Variants in RAP1GDS1 observed in about 807,000 individuals in gnomAD.
The protein encoded by RAP1GDS1 is RAP1, GTP-GDP dissociation stimulator 1.
A neutral mutation model predicts 71.1 loss-of-function variants in RAP1GDS1; 35 were observed. That is an observed-to-expected ratio of 0.49 (90% confidence interval 0.38 to 0.65). The LOEUF is 0.65. RAP1GDS1 is among the 30% of genes least tolerant of loss of function. The pLI, the probability that RAP1GDS1 is intolerant of heterozygous loss-of-function variation, is 0.00. For missense variants in RAP1GDS1, 663 were observed against 706.1 expected, an observed-to-expected ratio of 0.94 and a Z score of 0.69; for synonymous variants, 229 against 243.1, an observed-to-expected ratio of 0.94 and a Z score of 0.54.
intron 5 of RAP1GDS1, among the ~76,000 whole-genome samples, chr4:98,384,417 C>A (rs1560936557): frequency 6.6e-6 from 1 of 151,594 alleles, no homozygotes; most frequent in African/African-American, 2.4e-5. Context: ...TGTCCAACAG[C>A]TTTCTAGTCA....
chr4:98,312,634 A>C (rs1348157168), intron 2 of RAP1GDS1, among the ~76,000 whole-genome samples: 1 of 152,064 alleles, frequency 6.6e-6, no homozygotes, highest in African/African-American at 2.4e-5. Flanking sequence ...TTCTAGGAGC[A>C]GTGGTATATT....
chr4:98,311,123 A>C (rs1003097183), intron 2 of RAP1GDS1, among the ~76,000 whole-genome samples: 1 of 152,212 alleles, frequency 6.6e-6, no homozygotes. Flanking sequence ...TATGGATGGC[A>C]CTTTAAACCA....
chr4:98,317,823 TA>T (rs1174252861), intron 2 of RAP1GDS1, among the ~76,000 whole-genome samples: 9 of 148,716 alleles, frequency 6.1e-5, no homozygotes, highest in African/African-American at 2.0e-4. Flanking sequence ...TATATATATA[TA>T]TATTTTTTTT....
intron 12 of RAP1GDS1, among the ~76,000 whole-genome samples, chr4:98,423,286 A>G (rs1400194984): frequency 1.3e-5 from 2 of 152,244 alleles, no homozygotes; most frequent in Non-Finnish European, 2.9e-5. Context: ...CAAAGACAGC[A>G]GGATGTACAA....
chr4:98,399,468 A>G (rs1056838637), intron 6 of RAP1GDS1, among the ~76,000 whole-genome samples: 4 of 151,956 alleles, frequency 2.6e-5, no homozygotes, highest in African/African-American at 9.7e-5. Context: ...TTGTTTTTGT[A>G]TTTTTTGTAG....
intron 2 of RAP1GDS1, among the ~76,000 whole-genome samples, chr4:98,309,476 A>G (rs1265255566): frequency 6.6e-6 from 1 of 151,948 alleles, no homozygotes; most frequent in African/African-American, 2.4e-5. Context: ...GTGAATATGC[A>G]TGACCAAATG....
At chr4:98,298,079 G>T (rs1728044640) in intron 2 of RAP1GDS1, among the ~76,000 whole-genome samples, 1 of 152,178 alleles carries the variant, frequency 6.6e-6, no homozygotes, top group South Asian at 2.1e-4. Flanking sequence ...TCCTAATCCA[G>T]AGCAGGGCTC....
At chr4:98,282,022 T>C (rs1259346739) in intron 1 of RAP1GDS1, among the ~76,000 whole-genome samples, 1 of 152,218 alleles carries the variant, frequency 6.6e-6, no homozygotes, top group African/African-American at 2.4e-5. Context: ...AGTATTTTAT[T>C]GAAGATGTTT....
intron 2 of RAP1GDS1, among the ~76,000 whole-genome samples, chr4:98,336,614 C>T (rs1734752821): frequency 6.6e-6 from 1 of 151,942 alleles, no homozygotes; most frequent in Non-Finnish European, 1.5e-5. Context: ...TTCATATATC[C>T]TTTTTTTAAA....
At chr4:98,433,831 C>T (rs955797360) in intron 12 of RAP1GDS1, 105 bp from the exon 13 acceptor site, 6 of 1,063,716 alleles carry the variant, frequency 5.6e-6, no homozygotes, top group Non-Finnish European at 8.1e-6. Flanking sequence ...ATGATTCATA[C>T]AGGACACTGT....
At chr4:98,391,715 A>AAACT (rs1212457441) in intron 5 of RAP1GDS1, among the ~76,000 whole-genome samples, 1 of 152,168 alleles carries the variant, frequency 6.6e-6, no homozygotes, top group Non-Finnish European at 1.5e-5. Context: ...TATAGTCTTC[A>AAACT]AACTATTTTT....
chr4:98,384,507 A>G (rs1279537026), intron 5 of RAP1GDS1, among the ~76,000 whole-genome samples: 1 of 151,710 alleles, frequency 6.6e-6, no homozygotes, highest in Non-Finnish European at 1.5e-5. Flanking sequence ...AGAATAGAGC[A>G]GTTAGTTAGT....
At chr4:98,281,961 A>G (rs1269708232) in intron 1 of RAP1GDS1, among the ~76,000 whole-genome samples, 2 of 152,156 alleles carry the variant, frequency 1.3e-5, no homozygotes, top group Non-Finnish European at 2.9e-5. Context: ...GATGAAGCCA[A>G]GTTGATCGTG....
intron 2 of RAP1GDS1, among the ~76,000 whole-genome samples, chr4:98,319,244 A>C (rs566574907): frequency 6.6e-6 from 1 of 152,318 alleles, no homozygotes; most frequent in African/African-American, 2.4e-5. Context: ...CATTGCATGA[A>C]TCTAGTAACT....
At chr4:98,271,140 A>G (rs1346783343) in intron 1 of RAP1GDS1, among the ~76,000 whole-genome samples, 3 of 152,084 alleles carry the variant, frequency 2.0e-5, no homozygotes, top group African/African-American at 7.2e-5. Flanking sequence ...TAGTGCCTGC[A>G]TTGTTCAAGG....
At position 98,442,577 on chromosome 4, in the gene RAP1GDS1, T is replaced by TG. The variant is rs1382862039; in HGVS notation, c.*461dup. The TG allele has an allele frequency of 1.8e-5, 4 of 228,168 alleles. No individual in the cohort carries two copies. The highest frequency in any genetic ancestry group is 3.5e-5 in the Non-Finnish European group (4 of 114,728). 14.1% of individuals were successfully genotyped at this position (228,168 alleles called of 1,614,324 possible). A position where few individuals can be genotyped will look rare whatever the true frequency, so the allele number is the denominator to read the frequency against. On this transcript the variant is annotated 3_prime_UTR_variant, in exon 15 of 15. Coordinates refer to ENST00000408927, the MANE Select transcript of RAP1GDS1 (RefSeq NM_001100427.2). ...TGGGAAGCACAGTGACCAAAAAAGT[T>TG]GTATGGCTGCTTATTCATTAGTCTT... is the stretch of plus-strand genomic sequence containing the variant.
chr4:98,317,653 C>G (rs1003026111), intron 2 of RAP1GDS1, among the ~76,000 whole-genome samples: 1 of 152,034 alleles, frequency 6.6e-6, no homozygotes, highest in Non-Finnish European at 1.5e-5. Flanking sequence ...GCAAGCCACA[C>G]TAAGTGTCTT....
chr4:98,343,098 TA>T, intron 2 of RAP1GDS1, 40 bp from the exon 3 acceptor site: 3 of 1,555,728 alleles, frequency 1.9e-6, no homozygotes, highest in Non-Finnish European at 2.6e-6. Flanking sequence ...GTGTTAGCAT[TA>T]AAGATTTTCA....
Position 98,293,425 on chromosome 4 carries a change from T to A in RAP1GDS1, c.22T>A (p.Leu8Met), listed in dbSNP as rs774994136. 7.7e-5 allele frequency: 124 copies of A among 1,602,980 alleles called. No individual in the cohort carries two copies. The Admixed American group carries it at 1.3e-3, about 17-fold the overall frequency. The change falls in exon 2 of 15, where the codon TTG becomes ATG. Residue 8 changes from leucine to methionine, a missense_variant. Leu to Met is a conservative substitution (Grantham distance 15). Transcript: ENST00000408927. MDNLSDTLKKLKITAVDK... is the reference protein window; with the variant it reads MDNLSDTMKKLKITAVDK... ...TTAAGCAGATAATCTCAGTGATACCTTGAAGAAGCTGAAGATAACAGCTGT... is the reference window on the plus strand; with the variant it reads ...TTAAGCAGATAATCTCAGTGATACCATGAAGAAGCTGAAGATAACAGCTGT...
Sources: allele counts gnomAD v4.1 joint callset (sites outside exome capture counted in the v4.1 genomes callset), GRCh38; gene constraint gnomAD v4.1.1; transcripts MANE v1.5; gene names NCBI Gene and HGNC (gene_info 2026-07-23, HGNC 2026-07-21).